Variants in ELOVL6 observed in about 807,000 individuals in gnomAD.
The protein encoded by ELOVL6 is very long chain fatty acid elongase 6.
In ELOVL6, 8 loss-of-function variants were observed where a neutral mutation model predicts 31.7. The ratio of observed to expected loss-of-function variants is 0.25; its 90% CI spans 0.15 to 0.45. The LOEUF (loss-of-function observed/expected upper bound fraction) is 0.45, where lower values mean the gene tolerates loss of function less well. Ranked by LOEUF, ELOVL6 falls within the 20% of genes least tolerant of loss-of-function variation. The pLI, the probability that ELOVL6 is intolerant of heterozygous loss-of-function variation, is 1.00. For missense variants in ELOVL6, 126 were observed against 326.4 expected (o/e 0.39, Z 4.73); for synonymous variants, 101 against 117.7 (o/e 0.86, Z 0.92).
chr4:110,164,113 T>C (rs967009009), intron 1 of ELOVL6, among the ~76,000 whole-genome samples: 2 of 152,236 alleles, frequency 1.3e-5, no homozygotes, highest in African/African-American at 4.8e-5. Flanking sequence ...GGACATTTTG[T>C]AAGCCATTGA....
intron 2 of ELOVL6, among the ~76,000 whole-genome samples, chr4:110,082,139 G>C (rs1487100526): frequency 6.7e-6 from 1 of 149,990 alleles, no homozygotes; most frequent in Non-Finnish European, 1.5e-5. Flanking sequence ...CTTTTACACT[G>C]TTGGTGGGAC....
Position 110,046,537 on chromosome 4 carries a change from T to A in ELOVL6, c.*4801A>T, listed in dbSNP as rs957882514. The stretch of plus-strand genomic sequence containing the variant: ...ATCAGGAGGAAGGGAAGCCTGAGAA[T>A]TCCCCCTGCCATCTGTGAGCTCTGA... On this transcript the variant is annotated 3_prime_UTR_variant, in exon 4 of 4. Coordinates refer to ENST00000302274, the MANE Select transcript of ELOVL6 (RefSeq NM_024090.3). 3.3e-5 allele frequency: 5 copies of A among 152,234 alleles called. No individual in the cohort carries two copies. Among genetic ancestry groups the A allele is most frequent in the Non-Finnish European group, 7.3e-5 (5 of 68,058 alleles). 9.4% of individuals were successfully genotyped at this position (152,234 alleles called of 1,614,324 possible). A position where few individuals can be genotyped will look rare whatever the true frequency, so the allele number is the denominator to read the frequency against.
chr4:110,159,522 T>TC (rs145610508), intron 1 of ELOVL6, among the ~76,000 whole-genome samples: 6,706 of 152,218 alleles, frequency 0.044, 213 homozygotes, highest in South Asian at 0.11. Context: ...AAGCCAAGTC[T>TC]CCTTCTCTTT....
At chr4:110,053,430 C>T (rs1241893521) in intron 3 of ELOVL6, among the ~76,000 whole-genome samples, 2 of 152,172 alleles carry the variant, frequency 1.3e-5, no homozygotes, top group South Asian at 2.1e-4. Context: ...GGTGGTGCCC[C>T]ATTCCATGCA....
intron 1 of ELOVL6, among the ~76,000 whole-genome samples, chr4:110,115,674 A>G (rs1757150069): frequency 6.6e-6 from 1 of 152,226 alleles, no homozygotes; most frequent in Admixed American, 6.5e-5. Context: ...ATTCAGTGAC[A>G]TAAGAGGATA....
chr4:110,158,658 T>TATATATATA (rs35622604), intron 1 of ELOVL6, among the ~76,000 whole-genome samples: 18 of 59,542 alleles, frequency 3.0e-4, no homozygotes, highest in African/African-American at 1.4e-3. Flanking sequence ...TATATATATA[T>TATATATATA]TTTTTTTTTT....
rs146412126 is a variant in ELOVL6, at chr4:110,125,275, A to G, written c.90-19647T>C. 4.3e-3 allele frequency among the ~76,000 whole-genome samples: 654 copies of G among 152,282 alleles called. 4 individuals carry two copies. The highest frequency in any genetic ancestry group is 6.6e-3 in the Non-Finnish European group (447 of 68,024). Reference sequence around the variant, plus strand: ...TATAAGCTGATCTCAATTTTAGGAAACCATCATTAAGTAAAAACATAAATG... The same window carrying G: ...TATAAGCTGATCTCAATTTTAGGAAGCCATCATTAAGTAAAAACATAAATG... On this transcript the variant is annotated intron_variant, in intron 1 of 3. Transcript: ENST00000302274.
intron 1 of ELOVL6, among the ~76,000 whole-genome samples, chr4:110,150,699 C>G (rs775143327): frequency 6.6e-6 from 1 of 152,034 alleles, no homozygotes; most frequent in African/African-American, 2.4e-5. Context: ...CATTTCCAAG[C>G]TTTAATTTTA....
At position 110,147,424 on chromosome 4, in the gene ELOVL6, T is replaced by C. The variant is rs181172638; in HGVS notation, c.90-41796A>G. Among the ~76,000 whole-genome samples, 625 of 151,826 alleles carry C rather than the reference T, an allele frequency of 4.1e-3. 7 individuals carry two copies. The highest frequency in any genetic ancestry group is 4.3e-3 in the Non-Finnish European group (291 of 67,962). ...AAAGCACAGGCAACAAAAACAAATATAGACAAATGGGACTAAACTAAAAAG... is the reference window on the plus strand; with the variant it reads ...AAAGCACAGGCAACAAAAACAAATACAGACAAATGGGACTAAACTAAAAAG... On this transcript the variant is annotated intron_variant, in intron 1 of 3. Transcript: ENST00000302274.
intron 2 of ELOVL6, among the ~76,000 whole-genome samples, chr4:110,060,841 G>A (rs28564340): frequency 0.06 from 9,155 of 152,218 alleles, 752 homozygotes; most frequent in African/African-American, 0.19. Flanking sequence ...ATTGGGAAAT[G>A]GAGCCTTCTT....
intron 1 of ELOVL6, among the ~76,000 whole-genome samples, chr4:110,139,366 C>T (rs1429704126): frequency 6.6e-6 from 1 of 152,098 alleles, no homozygotes; most frequent in Non-Finnish European, 1.5e-5. Flanking sequence ...GATAAAAAGA[C>T]ACATGTAGAT....
At chr4:110,097,363 A>G (rs952315758) in intron 2 of ELOVL6, among the ~76,000 whole-genome samples, 1 of 151,192 alleles carries the variant, frequency 6.6e-6, no homozygotes, top group Admixed American at 6.6e-5. Flanking sequence ...CAGACTAGAC[A>G]TTGTTATCTC....
chr4:110,193,258 T>C (rs1157639050), intron 1 of ELOVL6, among the ~76,000 whole-genome samples: 1 of 152,246 alleles, frequency 6.6e-6, no homozygotes, highest in Non-Finnish European at 1.5e-5. Context: ...TTGTACATCG[T>C]GTTACTTTCC....
chr4:110,079,584 C>A (rs1437905426), intron 2 of ELOVL6, among the ~76,000 whole-genome samples: 1 of 152,052 alleles, frequency 6.6e-6, no homozygotes, highest in Non-Finnish European at 1.5e-5. Context: ...GGGACATATT[C>A]AAAGCAGTGT....
At chr4:110,147,810 C>T (rs1216367671) in intron 1 of ELOVL6, among the ~76,000 whole-genome samples, 4 of 151,838 alleles carry the variant, frequency 2.6e-5, no homozygotes, top group African/African-American at 9.7e-5. Flanking sequence ...CACACACACA[C>T]ACACACACGT....
chr4:110,153,868 C>A (rs1758345705), intron 1 of ELOVL6, among the ~76,000 whole-genome samples: 1 of 152,152 alleles, frequency 6.6e-6, no homozygotes, highest in Non-Finnish European at 1.5e-5. Flanking sequence ...GTTTCTAATG[C>A]AATGTAAGCA....
At chr4:110,156,637 G>A (rs913559079) in intron 1 of ELOVL6, among the ~76,000 whole-genome samples, 1 of 152,144 alleles carries the variant, frequency 6.6e-6, no homozygotes, top group Non-Finnish European at 1.5e-5. Context: ...AGTGAGCTAG[G>A]ATTGCACCAC....
At chr4:110,066,174 T>G (rs1755292916) in intron 2 of ELOVL6, among the ~76,000 whole-genome samples, 2 of 152,170 alleles carry the variant, frequency 1.3e-5, no homozygotes, top group Non-Finnish European at 2.9e-5. Context: ...TCACTGATTT[T>G]CCTGATAACA....
intron 1 of ELOVL6, among the ~76,000 whole-genome samples, chr4:110,186,168 C>T (rs956250958): frequency 1.3e-5 from 2 of 151,868 alleles, no homozygotes; most frequent in African/African-American, 2.4e-5. Flanking sequence ...ACAGCCTGGG[C>T]AACAGAGCGA....
Sources: gnomAD v4.1 joint callset for allele counts (sites outside exome capture counted in the v4.1 genomes callset) on GRCh38, gnomAD v4.1.1 for gene constraint, MANE v1.5 for transcripts, NCBI Gene and HGNC (gene_info 2026-07-23, HGNC 2026-07-21) for gene names.